The following UBE4B variants were observed in gnomAD, a reference collection of about 807,000 sequenced individuals.
UBE4B encodes ubiquitin conjugation factor E4 B.
In UBE4B, 27 loss-of-function variants were observed where a neutral mutation model predicts 148.1. That is an observed-to-expected ratio of 0.18 (90% CI 0.13 to 0.25). UBE4B has a LOEUF of 0.25. Ranked by LOEUF, UBE4B falls within the 10% of genes least tolerant of loss-of-function variation. UBE4B has a pLI of 1.00. For missense variants in UBE4B, 1,170 were observed against 1,662.4 expected, an observed-to-expected ratio of 0.70 and a Z score of 5.15; for synonymous variants, 596 against 619.3, an observed-to-expected ratio of 0.96 and a Z score of 0.56.
At chr1:10,038,832 C>T (rs1480416773) in intron 1 of UBE4B, among the ~76,000 whole-genome samples, 1 of 152,078 alleles carries the variant, frequency 6.6e-6, no homozygotes, top group Non-Finnish European at 1.5e-5. Context: ...CGCGGTGGCT[C>T]ACGCCTGTAA....
At chr1:10,139,927 C>T (rs1645759545) in intron 17 of UBE4B, among the ~76,000 whole-genome samples, 1 of 152,148 alleles carries the variant, frequency 6.6e-6, no homozygotes, top group East Asian at 1.9e-4. Context: ...AGGGTTTCTC[C>T]ATGTTGGTCA....
rs1018048628 is a variant in UBE4B, at chr1:10,065,394, C to T, written c.25-6634C>T. Among the ~76,000 whole-genome samples the T allele has an allele frequency of 2.6e-5, 4 of 152,274 alleles. No homozygotes were observed. The South Asian group carries it at 6.2e-4, about 24-fold the overall frequency. On this transcript the variant is annotated intron_variant, in intron 1 of 27. Coordinates refer to ENST00000343090, the MANE Select transcript of UBE4B (RefSeq NM_001105562.3). ...GCTCCACAATAAGCAACCACCAGTG[C>T]CCAGCTGTGTGTTGAAGGAAGAGGA...
At chr1:10,097,448 T>A (rs1318210102) in intron 3 of UBE4B, among the ~76,000 whole-genome samples, 1 of 152,202 alleles carries the variant, frequency 6.6e-6, no homozygotes, top group African/African-American at 2.4e-5. Context: ...TTATTCCACA[T>A]TTTTTTCTCT....
At position 10,179,433 on chromosome 1, in the gene UBE4B, C is replaced by G. The variant is rs770793491; in HGVS notation, c.3718C>G (p.Leu1240Val). 2 of 1,614,010 alleles carry G rather than the reference C, an allele frequency of 1.2e-6. No homozygotes were observed. The highest frequency in any genetic ancestry group is 1.7e-6 in the Non-Finnish European group (2 of 1,180,038). ...CCCCGCAGACCCTCTGATGGACACC[C>G]TCATGACAGACCCCGTGCGGCTGCC... is the stretch of plus-strand genomic sequence containing the variant. ...DEFRDPLMDTLMTDPVRLPSG... is the reference protein window; with the variant it reads ...DEFRDPLMDTVMTDPVRLPSG... Residue 1240 changes from leucine to valine, a missense_variant, in exon 27 of 28, where the codon CTC becomes GTC. Leu to Val is a conservative substitution (Grantham distance 32, BLOSUM62 1). Coordinates refer to ENST00000343090, the MANE Select transcript of UBE4B (RefSeq NM_001105562.3).
chr1:10,119,447 AT>A, intron 8 of UBE4B, 65 bp from the exon 9 acceptor site: 1 of 1,539,426 alleles, frequency 6.5e-7, no homozygotes. Flanking sequence ...TTTAACTCTT[AT>A]TTTTAACAGC....
chr1:10,105,525 A>G lies in UBE4B; in HGVS notation c.590A>G (p.Asp197Gly). ...FKQNPKEVFSDFKDLIGQILM... is the reference protein window; with the variant it reads ...FKQNPKEVFSGFKDLIGQILM... ...TCTGCCTTTCCAACAGTATTCTCCG[A>G]TTTTAAGGACTTGATTGGCCAGATT... The change falls in exon 6 of 28, where the codon GAT becomes GGT. Residue 197 changes from aspartate (D) to glycine (G), a missense_variant. By Grantham distance (94) the Asp-to-Gly change is moderately conservative. Coordinates refer to ENST00000343090, the MANE Select transcript of UBE4B (RefSeq NM_001105562.3). 6.2e-7 allele frequency: 1 copy of G among 1,614,154 alleles called. No homozygotes were observed. The highest frequency in any genetic ancestry group is 1.1e-5 in the South Asian group (1 of 91,084).
At chr1:10,078,808 G>C (rs1018415378) in intron 2 of UBE4B, among the ~76,000 whole-genome samples, 1 of 152,056 alleles carries the variant, frequency 6.6e-6, no homozygotes, top group African/African-American at 2.4e-5. Context: ...AGGTCTGCCT[G>C]TATACTCTCT....
chr1:10,177,484 C>T (rs941225099), intron 25 of UBE4B, among the ~76,000 whole-genome samples: 14 of 151,742 alleles, frequency 9.2e-5, no homozygotes, highest in African/African-American at 3.4e-4. Flanking sequence ...AGCGAGACTC[C>T]GTCTCAAAAA....
chr1:10,089,993 T>G (rs1314194308), intron 2 of UBE4B, among the ~76,000 whole-genome samples: 1 of 151,782 alleles, frequency 6.6e-6, no homozygotes, highest in Non-Finnish European at 1.5e-5. Flanking sequence ...CCATGCCTGG[T>G]TGCTTTTGTA....
Position 10,161,302 on chromosome 1 carries a change from A to G in UBE4B, c.3198+16A>G. 1.9e-6 allele frequency: 3 copies of G among 1,613,494 alleles called. No homozygotes were observed. Among genetic ancestry groups the G allele is most frequent in the Non-Finnish European group, 2.5e-6 (3 of 1,179,600 alleles). Reference sequence around the variant, plus strand: ...GTTGCCCCGGGTGAGGACGTGGTCCAGAGGCTTGGACAGCTTTGCAGGCCA... The same window carrying G: ...GTTGCCCCGGGTGAGGACGTGGTCCGGAGGCTTGGACAGCTTTGCAGGCCA... On this transcript the variant is annotated intron_variant, in intron 23 of 27. Coordinates refer to ENST00000343090, the MANE Select transcript of UBE4B (RefSeq NM_001105562.3). The surrounding 1 kb of genome is among the most constrained non-coding windows in gnomAD (Gnocchi z 4.1).
At chr1:10,179,021 TA>T in intron 26 of UBE4B, 1 of 550,924 alleles carries the variant, frequency 1.8e-6, no homozygotes, top group Non-Finnish European at 3.0e-6. Context: ...TAGCCTGACT[TA>T]AAGCCAGATA....
At position 10,147,007 on chromosome 1, in the gene UBE4B, C is replaced by T. The variant is rs765004153; in HGVS notation, c.2508C>T (p.Asp836=). ...CKACADAGLL[D]ESFLRRCLNF... ...CCTGTGCTGATGCTGGCCTACTTGACGAGAGCTTCCTGAGAAGATGTCTGA... is the reference window on the plus strand; with the variant it reads ...CCTGTGCTGATGCTGGCCTACTTGATGAGAGCTTCCTGAGAAGATGTCTGA... Residue 836 remains aspartate, a synonymous_variant, in exon 19 of 28, where the codon GAC becomes GAT. Transcript: ENST00000343090. 2.2e-5 allele frequency: 35 copies of T among 1,613,972 alleles called. No individual in the cohort carries two copies. Among genetic ancestry groups the T allele is most frequent in the Middle Eastern group, 1.6e-4 (1 of 6,082 alleles).
chr1:10,175,724 T>TG (rs1216036962), intron 25 of UBE4B, among the ~76,000 whole-genome samples: 1 of 152,106 alleles, frequency 6.6e-6, no homozygotes, highest in Non-Finnish European at 1.5e-5. Context: ...ACTTCCCCCA[T>TG]GCAGTCAGTC....
chr1:10,136,765 C>T (rs1448250181), intron 16 of UBE4B, among the ~76,000 whole-genome samples: 1 of 151,712 alleles, frequency 6.6e-6, no homozygotes, highest in Non-Finnish European at 1.5e-5. Context: ...CCTAAAAATG[C>T]AAAAGTAGCC....
chr1:10,146,250 G>C (rs973842375), intron 18 of UBE4B, among the ~76,000 whole-genome samples: 2 of 152,040 alleles, frequency 1.3e-5, no homozygotes, highest in Non-Finnish European at 2.9e-5. Flanking sequence ...TCAGGAGTTC[G>C]AGACCAGCCT....
intron 21 of UBE4B, 109 bp from the exon 22 acceptor site, chr1:10,158,245 GCT>G: frequency 7.3e-7 from 1 of 1,370,034 alleles, no homozygotes; most frequent in Non-Finnish European, 9.8e-7. Context: ...AATTTCACCA[GCT>G]CTCTGATTTT....
intron 1 of UBE4B, among the ~76,000 whole-genome samples, chr1:10,052,057 T>G (rs1287495214): frequency 6.6e-6 from 1 of 151,986 alleles, no homozygotes; most frequent in Non-Finnish European, 1.5e-5. Flanking sequence ...ATTCTAGATG[T>G]CTAATAGTGT....
At chr1:10,113,975 G>A (rs536596870) in intron 7 of UBE4B, among the ~76,000 whole-genome samples, 160 of 149,904 alleles carry the variant, frequency 1.1e-3, no homozygotes, top group African/African-American at 3.8e-3. Context: ...TGAGGCAGGA[G>A]AATCGCTTGA....
intron 1 of UBE4B, among the ~76,000 whole-genome samples, chr1:10,033,979 G>A (rs1643404514): frequency 6.6e-6 from 1 of 152,120 alleles, no homozygotes; most frequent in Non-Finnish European, 1.5e-5. Flanking sequence ...TTTCTTCAGG[G>A]TATGCGAACA....
Sources: allele counts gnomAD v4.1 joint callset (sites outside exome capture counted in the v4.1 genomes callset), GRCh38; gene constraint gnomAD v4.1.1; non-coding constraint Gnocchi (gnomAD v3.1); transcripts MANE v1.5; gene names NCBI Gene and HGNC (gene_info 2026-07-23, HGNC 2026-07-21).